PHF24: variants seen among roughly 807,000 people sequenced by gnomAD.
The protein encoded by PHF24 is Galpha inhibitory interacting protein.
In PHF24, 25 loss-of-function variants were observed where a neutral mutation model predicts 42.6. That is an observed-to-expected ratio of 0.59 (90% CI 0.43 to 0.82). The LOEUF is 0.82. PHF24 is among the 40% of genes least tolerant of loss of function. The probability of loss-of-function intolerance (pLI) is 0.00; values close to 1 mark genes in which losing one functional copy is unlikely to be tolerated. For missense variants in PHF24, 470 were observed against 538.1 expected (o/e 0.87, Z 1.25); for synonymous variants, 185 against 204.8 (o/e 0.90, Z 0.83).
the PHF24 span, among the ~76,000 whole-genome samples, chr9:34,713,852 T>C: frequency 6.6e-6 from 1 of 152,096 alleles, no homozygotes; most frequent in Non-Finnish European, 1.5e-5. Context: ...TACATCTTGT[T>C]TTTTGAAGGA....
At chr9:34,798,558 T>C in the PHF24 span, among the ~76,000 whole-genome samples, 1 of 152,254 alleles carries the variant, frequency 6.6e-6, no homozygotes, top group South Asian at 2.1e-4. Flanking sequence ...TTCTTTTTTA[T>C]GGCTGCAGGG....
chr9:34,973,432 G>A (rs1827076650), intron 3 of PHF24, among the ~76,000 whole-genome samples: 2 of 152,162 alleles, frequency 1.3e-5, no homozygotes, highest in Admixed American at 1.3e-4. Context: ...ATATATAAAT[G>A]CCTTCTAACT....
At chr9:34,907,736 T>C in the PHF24 span, among the ~76,000 whole-genome samples, 2 of 152,188 alleles carry the variant, frequency 1.3e-5, no homozygotes, top group Non-Finnish European at 2.9e-5. Flanking sequence ...TCTTTTTGGA[T>C]TGTCTTTGTT....
the PHF24 span, chr9:34,918,297 G>T: frequency 8.7e-7 from 1 of 1,150,368 alleles, no homozygotes. Context: ...CAAAAACTAA[G>T]TGGACTAGAC....
At chr9:34,893,479 T>C in the PHF24 span, among the ~76,000 whole-genome samples, 3 of 151,874 alleles carry the variant, frequency 2.0e-5, no homozygotes, top group Non-Finnish European at 2.9e-5. Context: ...CGTATGCCTG[T>C]AGTCCCAGCT....
At chr9:34,878,623 C>T in the PHF24 span, among the ~76,000 whole-genome samples, 1 of 152,220 alleles carries the variant, frequency 6.6e-6, no homozygotes, top group African/African-American at 2.4e-5. Context: ...ACTGCTAGAA[C>T]AGCAGTCTGA....
chr9:34,799,644 A>C, the PHF24 span, among the ~76,000 whole-genome samples: 2 of 152,140 alleles, frequency 1.3e-5, no homozygotes, highest in South Asian at 4.1e-4. Context: ...TCTTTTTCCC[A>C]GGTGATTTTT....
the PHF24 span, among the ~76,000 whole-genome samples, chr9:34,931,922 T>C: frequency 6.6e-6 from 1 of 152,180 alleles, no homozygotes; most frequent in East Asian, 1.9e-4. Flanking sequence ...AATGTGAAAT[T>C]AACTTGTTTC....
chr9:34,702,961 G>A, the PHF24 span, among the ~76,000 whole-genome samples: 1 of 152,154 alleles, frequency 6.6e-6, no homozygotes, highest in African/African-American at 2.4e-5. Flanking sequence ...CAGATACAAG[G>A]AGAAGTAATG....
At chr9:34,833,336 G>A in the PHF24 span, 1 of 1,551,162 alleles carries the variant, frequency 6.4e-7, no homozygotes, top group Non-Finnish European at 8.7e-7. Context: ...GACCGAGTGG[G>A]CAGAACCCTG....
chr9:34,810,411 G>A, the PHF24 span, among the ~76,000 whole-genome samples: 1 of 152,182 alleles, frequency 6.6e-6, no homozygotes, highest in Non-Finnish European at 1.5e-5. Context: ...TGCTGCCATG[G>A]GGAGTCCCCC....
chr9:34,709,895 T>G, the PHF24 span: 1 of 1,614,080 alleles, frequency 6.2e-7, no homozygotes, highest in Non-Finnish European at 8.5e-7. Context: ...CCTCCATCAC[T>G]GCCTGCAGGG....
At chr9:34,689,913 G>T in the PHF24 span, 1 of 1,613,918 alleles carries the variant, frequency 6.2e-7, no homozygotes, top group Non-Finnish European at 8.5e-7. The surrounding 1 kb of genome is among the most constrained non-coding windows in gnomAD (Gnocchi z 4.1). Context: ...GACAGGGCCA[G>T]GGAGGGCCAG....
chr9:34,922,978 A>AG, the PHF24 span: 4 of 1,037,900 alleles, frequency 3.9e-6, no homozygotes, highest in Non-Finnish European at 5.4e-6. Flanking sequence ...GCCCCAGTCT[A>AG]CCTGGGGGGT....
At chr9:34,677,489 C>T in the PHF24 span, among the ~76,000 whole-genome samples, 96 of 150,530 alleles carry the variant, frequency 6.4e-4, no homozygotes, top group Non-Finnish European at 1.2e-3. Flanking sequence ...CTCCGCCTCC[C>T]GGGTTCACGC....
At chr9:34,794,997 T>C in the PHF24 span, among the ~76,000 whole-genome samples, 1 of 151,996 alleles carries the variant, frequency 6.6e-6, no homozygotes, top group Admixed American at 6.6e-5. Context: ...CCAAATGGAA[T>C]AAATACAAAG....
chr9:34,741,434 C>T, the PHF24 span, among the ~76,000 whole-genome samples: 2 of 151,794 alleles, frequency 1.3e-5, no homozygotes, highest in African/African-American at 4.8e-5. Flanking sequence ...ATGATCTTGG[C>T]TCACCGCAAC....
chr9:34,686,152 T>C, the PHF24 span, among the ~76,000 whole-genome samples: 1 of 152,200 alleles, frequency 6.6e-6, no homozygotes, highest in Non-Finnish European at 1.5e-5. Flanking sequence ...GTTATCTGAC[T>C]GGAGAAATGC....
the PHF24 span, among the ~76,000 whole-genome samples, chr9:34,826,870 T>G: frequency 6.6e-6 from 1 of 152,182 alleles, no homozygotes; most frequent in Non-Finnish European, 1.5e-5. Context: ...CATGTGACTT[T>G]TGCTTCTTGC....
Sources: gnomAD v4.1 joint callset for allele counts (sites outside exome capture counted in the v4.1 genomes callset) on GRCh38, gnomAD v4.1.1 for gene constraint, Gnocchi (gnomAD v3.1) non-coding constraint, MANE v1.5 for transcripts, NCBI Gene and HGNC (gene_info 2026-07-23, HGNC 2026-07-21) for gene names.